The following GBE1 variants were observed in gnomAD, a reference collection of about 807,000 sequenced individuals.
The protein encoded by GBE1 is 1,4-alpha-glucan branching enzyme 1.
GBE1 carries 70 observed loss-of-function variants against 88.8 expected under a neutral mutation model. The ratio of observed to expected loss-of-function variants is 0.79; its 90% CI spans 0.65 to 0.96. The LOEUF (loss-of-function observed/expected upper bound fraction) is 0.96, where lower values mean the gene tolerates loss of function less well. Among genes scored for constraint, GBE1 ranks in the 40% least tolerant of loss-of-function variants. The probability of loss-of-function intolerance (pLI) is 0.00; values close to 1 mark genes in which losing one functional copy is unlikely to be tolerated. For synonymous variants in GBE1, 284 were observed against 300.1 expected, an observed-to-expected ratio of 0.95 and a Z score of 0.56; for missense variants, 872 against 871.0, an observed-to-expected ratio of 1.00 and a Z score of -0.01.
intron 7 of GBE1, among the ~76,000 whole-genome samples, chr3:81,608,600 C>G (rs1392784419): frequency 6.6e-6 from 1 of 152,060 alleles, no homozygotes; most frequent in African/African-American, 2.4e-5. Context: ...TCAATGACCC[C>G]CAAACAATAC....
Position 81,593,997 on chromosome 3 carries a change from G to C in GBE1, c.1019C>G (p.Ser340Ter). ...TTCTTCCAACCACCATCTTATGTTT[G>C]ACAGAAGGAATCTTAAAATTTCCCA... ...SSWEILRFLL[S>*]NIRWWLEEYR... Residue 340 changes from serine (S) to a stop codon, truncating the protein, a stop_gained, in exon 8 of 16, where the codon TCA becomes TGA. Coordinates refer to ENST00000429644, the MANE Select transcript of GBE1 (RefSeq NM_000158.4). LOFTEE classifies it high-confidence loss of function. 1 of 1,570,000 alleles carries C rather than the reference G, an allele frequency of 6.4e-7. No homozygotes were observed. The highest frequency in any genetic ancestry group is 8.7e-7 in the Non-Finnish European group (1 of 1,152,910).
chr3:81,544,467 C>T lies in GBE1; in HGVS notation c.1619-7372G>A, dbSNP rs577294993. On this transcript the variant is annotated intron_variant, in intron 12 of 15. Coordinates refer to ENST00000429644, the MANE Select transcript of GBE1 (RefSeq NM_000158.4). Reference sequence around the variant, plus strand: ...AGGATAATCATTTTTTGAGCCATCGCTTGGGACCCTTTCTAAGAGAATTCA... The same window carrying T: ...AGGATAATCATTTTTTGAGCCATCGTTTGGGACCCTTTCTAAGAGAATTCA... Among the ~76,000 whole-genome samples, 10 of 152,222 alleles carry T rather than the reference C, an allele frequency of 6.6e-5. 1 individual carries two copies. In the South Asian group the frequency reaches 2.1e-3, roughly 32 times the overall value.
Position 81,649,868 on chromosome 3 carries a change from T to G in GBE1, c.483A>C (p.Ala161=), listed in dbSNP as rs1054018717. The G allele has an allele frequency of 5.0e-6, 8 of 1,611,212 alleles. No homozygotes were observed. In the Admixed American group the frequency reaches 1.0e-4, roughly 20 times the overall value. ...TATCACCTTCACGAACCACATACTTTGCCCACGGTGAAATACGATACAAGA... is the reference window on the plus strand; with the variant it reads ...TATCACCTTCACGAACCACATACTTGGCCCACGGTGAAATACGATACAAGA... ...GEILYRISPW[A]KYVVREGDNV... The change falls in exon 4 of 16, where the codon GCA becomes GCC. Residue 161 remains alanine, a synonymous_variant. Coordinates refer to ENST00000429644, the MANE Select transcript of GBE1 (RefSeq NM_000158.4).
intron 7 of GBE1, among the ~76,000 whole-genome samples, chr3:81,595,606 GT>G (rs1241947194): frequency 6.6e-6 from 1 of 151,932 alleles, no homozygotes; most frequent in African/African-American, 2.4e-5. Context: ...GGAAAGATAA[GT>G]GAATTATATT....
At chr3:81,599,095 T>C (rs1300012974) in intron 7 of GBE1, among the ~76,000 whole-genome samples, 1 of 152,186 alleles carries the variant, frequency 6.6e-6, no homozygotes, top group African/African-American at 2.4e-5. Flanking sequence ...TCAGGTATTC[T>C]CTAGGAAATA....
chr3:81,638,410 G>A (rs1000950610), intron 7 of GBE1, among the ~76,000 whole-genome samples: 1 of 152,136 alleles, frequency 6.6e-6, no homozygotes, highest in Non-Finnish European at 1.5e-5. Flanking sequence ...TGAAGATTTA[G>A]TAATGGTTAT....
At chr3:81,516,265 T>C (rs1451944705) in intron 14 of GBE1, among the ~76,000 whole-genome samples, 1 of 151,558 alleles carries the variant, frequency 6.6e-6, no homozygotes, top group East Asian at 1.9e-4. Flanking sequence ...TCATTTACTG[T>C]TTCCAAAAAC....
chr3:81,604,183 T>C (rs945966358), intron 7 of GBE1, among the ~76,000 whole-genome samples: 1 of 152,148 alleles, frequency 6.6e-6, no homozygotes, highest in Non-Finnish European at 1.5e-5. Flanking sequence ...TCTTGTGCCT[T>C]TTCTTTATAT....
intron 1 of GBE1, among the ~76,000 whole-genome samples, chr3:81,711,180 G>A (rs1301999197): frequency 1.3e-5 from 2 of 152,176 alleles, no homozygotes; most frequent in African/African-American, 4.8e-5. Flanking sequence ...ATTGAGTATA[G>A]AATCCATTCT....
chr3:81,608,685 C>A lies in GBE1; in HGVS notation c.993-14662G>T, dbSNP rs147545324. On this transcript the variant is annotated intron_variant, in intron 7 of 15. Coordinates refer to ENST00000429644, the MANE Select transcript of GBE1 (RefSeq NM_000158.4). ...GATGATTTCCTCTCCCCTTTGGCTGCTGGCAGTCTGCATGCTGGGATAAAA... is the reference window on the plus strand; with the variant it reads ...GATGATTTCCTCTCCCCTTTGGCTGATGGCAGTCTGCATGCTGGGATAAAA... 1.3e-3 allele frequency among the ~76,000 whole-genome samples: 196 copies of A among 152,254 alleles called. 2 individuals are homozygous for A. The highest frequency in any genetic ancestry group is 4.6e-3 in the African/African-American group (191 of 41,556).
At chr3:81,584,456 A>G (rs1022992883) in intron 10 of GBE1, among the ~76,000 whole-genome samples, 1 of 152,062 alleles carries the variant, frequency 6.6e-6, no homozygotes, top group Non-Finnish European at 1.5e-5. Flanking sequence ...AAAGTAGAGG[A>G]AAATCACTAT....
chr3:81,711,961 A>C (rs1470912050), intron 1 of GBE1, among the ~76,000 whole-genome samples: 1 of 152,222 alleles, frequency 6.6e-6, no homozygotes, highest in African/African-American at 2.4e-5. Flanking sequence ...ATTTACAAGA[A>C]AAAAACAACC....
At chr3:81,559,626 C>A (rs1435864699) in intron 12 of GBE1, among the ~76,000 whole-genome samples, 4 of 151,864 alleles carry the variant, frequency 2.6e-5, no homozygotes, top group Non-Finnish European at 5.9e-5. Context: ...GTTGATATCA[C>A]CCCGCCGAGA....
intron 9 of GBE1, among the ~76,000 whole-genome samples, chr3:81,586,463 C>T (rs772573240): frequency 6.6e-6 from 1 of 152,124 alleles, no homozygotes; most frequent in Non-Finnish European, 1.5e-5. Flanking sequence ...ACTGTTATTG[C>T]TAAAACATAG....
At chr3:81,655,772 G>A (rs141707981) in intron 3 of GBE1, among the ~76,000 whole-genome samples, 1 of 151,654 alleles carries the variant, frequency 6.6e-6, no homozygotes, top group Admixed American at 6.6e-5. Flanking sequence ...CACATGCCTC[G>A]GTCTCCCAAA....
chr3:81,609,298 T>C (rs62265449), intron 7 of GBE1, among the ~76,000 whole-genome samples: 23,162 of 152,150 alleles, frequency 0.15, 1,939 homozygotes, highest in Non-Finnish European at 0.21. Context: ...CAAGGAGTTA[T>C]TATCCTCTAA....
At chr3:81,754,573 A>T (rs1338173781) in intron 1 of GBE1, among the ~76,000 whole-genome samples, 1 of 152,034 alleles carries the variant, frequency 6.6e-6, no homozygotes, top group East Asian at 1.9e-4. Flanking sequence ...TGGCTTTAAA[A>T]TGTATTACAA....
intron 1 of GBE1, among the ~76,000 whole-genome samples, chr3:81,740,531 T>C (rs1041437959): frequency 2.0e-5 from 3 of 152,090 alleles, no homozygotes; most frequent in African/African-American, 7.2e-5. Context: ...ATAAACGCAG[T>C]ACGGAGAAGA....
rs10711455 is a variant in GBE1 at position 81,680,494 on chromosome 3, CAA to C, written c.314-9543_314-9542del. ...CTGGGGACAGAGCGAGACTCCGTCT[CAA>C]AAAAAAAAAAAAAAAAAGAAAATTT... On this transcript the variant is annotated intron_variant, in intron 2 of 15. Transcript: ENST00000429644. Among the ~76,000 whole-genome samples, 83 of 94,706 alleles carry C rather than the reference CAA, an allele frequency of 8.8e-4. 1 individual carries two copies. Among genetic ancestry groups the C allele is most frequent in the Middle Eastern group, 5.9e-3 (1 of 170 alleles). 62.1% of individuals were successfully genotyped at this position (94,706 alleles called of 152,430 possible). A position where few individuals can be genotyped will look rare whatever the true frequency, so the allele number is the denominator to read the frequency against.
Sources: gnomAD v4.1 joint callset for allele counts (sites outside exome capture counted in the v4.1 genomes callset) on GRCh38, gnomAD v4.1.1 for gene constraint, MANE v1.5 for transcripts, NCBI Gene and HGNC (gene_info 2026-07-23, HGNC 2026-07-21) for gene names.